Variants in DST observed in about 807,000 individuals in gnomAD.
DST encodes bullous pemphigoid antigen.
A neutral mutation model predicts 875.2 loss-of-function variants in DST; 253 were observed. That is an observed-to-expected ratio of 0.29 (90% confidence interval 0.26 to 0.32). The LOEUF is 0.32. Ranked by LOEUF, DST falls within the 10% of genes least tolerant of loss-of-function variation. The pLI is 1.00. For synonymous variants in DST, 3,124 were observed against 3,197.1 expected, an observed-to-expected ratio of 0.98 and a Z score of 0.77; for missense variants, 8,287 against 9,111.6, an observed-to-expected ratio of 0.91 and a Z score of 3.68.
At chr6:56,754,409 G>A (rs2099596613) in intron 4 of DST, among the ~76,000 whole-genome samples, 2 of 152,110 alleles carry the variant, frequency 1.3e-5, no homozygotes, top group Non-Finnish European at 2.9e-5. Context: ...GTTCTTAATT[G>A]AGAGATCCAG....
At chr6:56,676,063 A>C (rs1014947993) in intron 9 of DST, among the ~76,000 whole-genome samples, 1 of 151,936 alleles carries the variant, frequency 6.6e-6, no homozygotes, top group African/African-American at 2.4e-5. Flanking sequence ...AAAGATAACA[A>C]GTGGTTTTTG....
chr6:56,674,069 C>T (rs2099116121), intron 9 of DST, among the ~76,000 whole-genome samples: 1 of 152,156 alleles, frequency 6.6e-6, no homozygotes, highest in Non-Finnish European at 1.5e-5. Context: ...GATCTGAAAT[C>T]TGTGTGTTCA....
At chr6:56,462,251 A>G (rs2152376832) in intron 102 of DST, among the ~76,000 whole-genome samples, 1 of 152,300 alleles carries the variant, frequency 6.6e-6, no homozygotes, top group Admixed American at 6.5e-5. Context: ...GTTGTTTCAC[A>G]GTGAAATTTC....
chr6:56,491,955 T>C (rs2095761086), intron 85 of DST, among the ~76,000 whole-genome samples: 1 of 152,240 alleles, frequency 6.6e-6, no homozygotes, highest in South Asian at 2.1e-4. Context: ...AGCTTCTTTC[T>C]GGGCCTCAAT....
intron 2 of DST, among the ~76,000 whole-genome samples, chr6:56,917,917 G>A (rs896615445): frequency 1.3e-5 from 2 of 152,052 alleles, no homozygotes; most frequent in Non-Finnish European, 2.9e-5. Flanking sequence ...ACCTAAAATT[G>A]CAACCCTTTT....
chr6:56,636,642 G>T lies in DST; in HGVS notation c.2975C>A (p.Ala992Glu). 1 of 1,612,962 alleles carries T rather than the reference G, an allele frequency of 6.2e-7. No homozygotes were observed. The change falls in exon 23 of 104, where the codon GCG becomes GAG. Residue 992 changes from alanine to glutamate, a missense_variant. By Grantham distance (107) the Ala-to-Glu change is moderately radical (BLOSUM62 -1). Coordinates refer to ENST00000680361, the MANE Select transcript of DST (RefSeq NM_001374736.1). ...PARLTIEAYR[A>E]AMQTQWSWIL... ...CCAGCTCCACTGCGTCTGCATTGCC[G>T]CTCTGTAGGCCTTAAAGATAAAACA...
At chr6:56,578,626 C>T (rs772874793) in intron 50 of DST, among the ~76,000 whole-genome samples, 188 bp downstream of exon 50, 12 of 152,244 alleles carry the variant, frequency 7.9e-5, no homozygotes, top group Middle Eastern at 3.4e-3. Flanking sequence ...ACATAGCCCC[C>T]GCCTCTAAGA....
chr6:56,511,320 G>A lies in DST; in HGVS notation c.18657C>T (p.Ser6219=). The change falls in exon 73 of 104, where the codon AGC becomes AGT. Residue 6219 remains serine (S), a synonymous_variant. Transcript: ENST00000680361. ...CTTGGATAGAAAAGCCTTCCCCAGG[G>A]CTCAATTCCAGTAACTGTGGCCCAG... is the stretch of plus-strand genomic sequence containing the variant. ...NKTGPQLLEL[S]PGEGFSIQEK... 1 of 1,607,234 alleles carries A rather than the reference G, an allele frequency of 6.2e-7. No individual in the cohort carries two copies.
At chr6:56,697,849 C>A (rs1413934204) in intron 9 of DST, among the ~76,000 whole-genome samples, 1 of 152,174 alleles carries the variant, frequency 6.6e-6, no homozygotes, top group African/African-American at 2.4e-5. Context: ...CTTAAATGAT[C>A]CCTGACAAAG....
rs770509273 is a variant in DST, at chr6:56,557,488, G to A, written c.14471C>T (p.Thr4824Ile). Residue 4824 changes from threonine to isoleucine, a missense_variant, in exon 59 of 104, where the codon ACA becomes ATA. Physicochemically the swap from Thr to Ile is moderately conservative, Grantham distance 89 (BLOSUM62 -1). Transcript: ENST00000680361. ...TTCCAGTTTTTGTTGTCTATCAATT[G>A]TTAATTGATTGAGTTCTTGCCACTT... ...DSKWQELNQL[T>I]IDRQQKLEES... is the part of the protein sequence containing the mutation. 3.1e-6 allele frequency: 5 copies of A among 1,612,858 alleles called. No individual in the cohort carries two copies. The Admixed American group carries it at 6.7e-5, about 22-fold the overall frequency.
chr6:56,754,278 G>A (rs1054462122), intron 4 of DST, among the ~76,000 whole-genome samples: 1 of 152,150 alleles, frequency 6.6e-6, no homozygotes. Flanking sequence ...CTTTTAAAAA[G>A]TGTAAACAAA....
Position 56,569,916 on chromosome 6 carries a change from A to T in DST, c.13818T>A (p.Val4606=). ...KSWIKETTKK[V]PIVQPSFGAE... is the part of the protein sequence containing the mutation. Reference sequence around the variant, plus strand: ...CACCAAAAGAAGGCTGTACAATGGGAACTTTTTTTGTTGTTTCTTTTATCC... The same window carrying T: ...CACCAAAAGAAGGCTGTACAATGGGTACTTTTTTTGTTGTTTCTTTTATCC... Residue 4606 remains valine (V), a synonymous_variant, in exon 54 of 104, where the codon GTT becomes GTA. Transcript: ENST00000680361. 1 of 1,612,158 alleles carries T rather than the reference A, an allele frequency of 6.2e-7. No individual in the cohort carries two copies. Among genetic ancestry groups the T allele is most frequent in the Non-Finnish European group, 8.5e-7 (1 of 1,179,222 alleles).
chr6:56,497,945 T>A lies in DST; in HGVS notation c.20005A>T (p.Asn6669Tyr). 4 of 1,613,580 alleles carry A rather than the reference T, an allele frequency of 2.5e-6. No individual in the cohort carries two copies. Among genetic ancestry groups the A allele is most frequent in the Non-Finnish European group, 3.4e-6 (4 of 1,179,634 alleles). Residue 6669 changes from asparagine to tyrosine, a missense_variant, in exon 81 of 104, where the codon AAC becomes TAC. This residue lies in a region of DST where 1,292 missense variants were observed against 1,552.7 expected (regional missense o/e 0.83). Coordinates refer to ENST00000680361, the MANE Select transcript of DST (RefSeq NM_001374736.1). ...CGTTGATTTAAAACCTCTAGCTTGTTCTGAAGGTTGCTTGCTTCTTCTCCT... is the reference window on the plus strand; with the variant it reads ...CGTTGATTTAAAACCTCTAGCTTGTACTGAAGGTTGCTTGCTTCTTCTCCT... ...SAGEEASNLQ[N>Y]KLEVLNQRWQ...
intron 83 of DST, 57 bp downstream of exon 83, chr6:56,493,953 G>C (rs2095833823): frequency 2.9e-5 from 40 of 1,391,014 alleles, no homozygotes; most frequent in Non-Finnish European, 3.8e-5. Context: ...ATAAGGCCAA[G>C]TCCAAGACAT....
chr6:56,827,131 C>A (rs2099781484), intron 4 of DST, among the ~76,000 whole-genome samples: 1 of 152,134 alleles, frequency 6.6e-6, no homozygotes, highest in Non-Finnish European at 1.5e-5. Context: ...TTCCAAACGA[C>A]CAACTTATAA....
At chr6:56,731,975 A>C (rs2099500757) in intron 5 of DST, among the ~76,000 whole-genome samples, 1 of 152,230 alleles carries the variant, frequency 6.6e-6, no homozygotes, top group Admixed American at 6.5e-5. Context: ...GTCACAAATC[A>C]AATATTTAAC....
At chr6:56,496,066 C>T (rs2095890342) in intron 82 of DST, among the ~76,000 whole-genome samples, 1 of 152,030 alleles carries the variant, frequency 6.6e-6, no homozygotes, top group African/African-American at 2.4e-5. Context: ...ACTTTTATCT[C>T]CCAAGATAAT....
chr6:56,542,514 A>T (rs2097146880), intron 61 of DST: 1 of 151,026 alleles, frequency 6.6e-6, no homozygotes, highest in South Asian at 2.1e-4. Flanking sequence ...ACCTGAGGCA[A>T]TTGCAGCAAC....
intron 5 of DST, among the ~76,000 whole-genome samples, chr6:56,719,177 G>A (rs2099405438): frequency 6.6e-6 from 1 of 152,048 alleles, no homozygotes; most frequent in Admixed American, 6.5e-5. Flanking sequence ...ATTAATAATG[G>A]TTCCCAGAAT....
Sources: allele counts gnomAD v4.1 joint callset (sites outside exome capture counted in the v4.1 genomes callset), GRCh38; gene constraint gnomAD v4.1.1; regional missense constraint gnomAD v4.1.1; transcripts MANE v1.5; gene names NCBI Gene and HGNC (gene_info 2026-07-23, HGNC 2026-07-21).